The following PPARD variants were observed in gnomAD, a reference collection of about 807,000 sequenced individuals.
PPARD encodes the protein peroxisome proliferator-activated receptor delta.
Under a neutral mutation model 39.5 loss-of-function variants are expected in PPARD, and 6 were observed. The ratio of observed to expected loss-of-function variants is 0.15; its 90% confidence interval spans 0.08 to 0.30. The LOEUF is 0.30. Among genes scored for constraint, PPARD ranks in the 10% least tolerant of loss-of-function variants. PPARD has a pLI of 1.00. For synonymous variants in PPARD, 210 were observed against 231.3 expected (o/e 0.91, Z 0.83); for missense variants, 397 against 596.8 (o/e 0.67, Z 3.49).
intron 2 of PPARD, among the ~76,000 whole-genome samples, chr6:35,408,756 GT>G (rs1275971915): frequency 1.3e-5 from 2 of 152,200 alleles, no homozygotes; most frequent in African/African-American, 4.8e-5. Context: ...ATTTTTAAAG[GT>G]TTTTTCGTTC....
At chr6:35,419,373 A>G (rs1363048106) in intron 3 of PPARD, among the ~76,000 whole-genome samples, 1 of 152,224 alleles carries the variant, frequency 6.6e-6, no homozygotes. Flanking sequence ...TTCTTATGAA[A>G]TCATCTGACA....
At chr6:35,383,472 C>T (rs904749609) in intron 2 of PPARD, among the ~76,000 whole-genome samples, 1 of 151,492 alleles carries the variant, frequency 6.6e-6, no homozygotes, top group Non-Finnish European at 1.5e-5. Context: ...AAGTGAGGAG[C>T]GTCTCTGCTT....
In PPARD at chr6:35,394,276, C is replaced by T. The variant is rs77582831; in HGVS notation, c.-101-16711C>T. Among the ~76,000 whole-genome samples the T allele has an allele frequency of 1.5e-3, 234 of 152,338 alleles. 4 individuals carry two copies. In the East Asian group the frequency reaches 0.042, roughly 27 times the overall value. ...TTCTTCGGCTGTATGTCACGGCCAT[C>T]CTGCCATGGCACCATGTCTGTGCCA... On this transcript the variant is annotated intron_variant, in intron 2 of 7. Transcript: ENST00000360694.
At position 35,411,170 on chromosome 6, in the gene PPARD, A is replaced by G. The variant is rs1765400489; in HGVS notation, c.83A>G (p.Glu28Gly). 3 of 1,573,278 alleles carry G rather than the reference A, an allele frequency of 1.9e-6. No individual in the cohort carries two copies. Among genetic ancestry groups the G allele is most frequent in the African/African-American group, 1.4e-5 (1 of 72,766 alleles). Reference protein sequence around the residue: ...EEVAEAEGAPELNGGPQHALP... With the variant: ...EEVAEAEGAPGLNGGPQHALP... Reference sequence around the variant, plus strand: ...GTGGCAGAGGCAGAAGGAGCCCCAGAGCTCAATGGGGGACCACAGCATGCA... The same window carrying G: ...GTGGCAGAGGCAGAAGGAGCCCCAGGGCTCAATGGGGGACCACAGCATGCA... Residue 28 changes from glutamate to glycine, a missense_variant, in exon 3 of 8, where the codon GAG (glutamate) becomes GGG (glycine). By Grantham distance (98) the Glu-to-Gly change is moderately conservative. Transcript: ENST00000360694.
At chr6:35,375,450 A>G (rs917331281) in intron 2 of PPARD, among the ~76,000 whole-genome samples, 10 of 152,262 alleles carry the variant, frequency 6.6e-5, no homozygotes, top group African/African-American at 2.4e-4. Flanking sequence ...TCCTGACCTC[A>G]GGTGATCCAC....
rs1762223940 is a variant in PPARD, at chr6:35,366,692, G to A, written c.-102+19542G>A. Among the ~76,000 whole-genome samples the A allele has an allele frequency of 6.6e-6, 1 of 152,040 alleles. No homozygotes were observed. The highest frequency in any genetic ancestry group is 2.4e-5 in the African/African-American group (1 of 41,358). On this transcript the variant is annotated intron_variant, in intron 2 of 7. Coordinates refer to ENST00000360694, the MANE Select transcript of PPARD (RefSeq NM_006238.5). This position sits in a 1 kb window ranked among gnomAD's most constrained non-coding sequence, Gnocchi z 4.6. ...AGCCTCCTTAGTGGCTGTGACTACAGGCGTGTACCACCATGCCTGGCTAAT... is the reference window on the plus strand; with the variant it reads ...AGCCTCCTTAGTGGCTGTGACTACAAGCGTGTACCACCATGCCTGGCTAAT...
rs1766673348 is a variant in PPARD, at chr6:35,427,750, A to C, written c.*1671A>C. On this transcript the variant is annotated 3_prime_UTR_variant, in exon 8 of 8. Coordinates refer to ENST00000360694, the MANE Select transcript of PPARD (RefSeq NM_006238.5). The stretch of plus-strand genomic sequence containing the variant: ...ACAGAGGTAGGAGAACTGGGGTTCA[A>C]GCCCAGGCTTCCTGGGTCCTGCCTG... The C allele has an allele frequency of 6.6e-6, 1 of 152,550 alleles. No individual in the cohort carries two copies. The highest frequency in any genetic ancestry group is 1.5e-5 in the Non-Finnish European group (1 of 68,204). The allele number at this position is 152,550 out of a possible 1,614,324, so 9.4% of individuals were successfully genotyped here.
At chr6:35,410,141 ATCTG>A (rs753908578) in intron 2 of PPARD, among the ~76,000 whole-genome samples, 3 of 152,196 alleles carry the variant, frequency 2.0e-5, no homozygotes, top group Non-Finnish European at 4.4e-5. Context: ...TCGGTAAAAT[ATCTG>A]AGAGTTGGGG....
At chr6:35,404,861 C>T (rs913557439) in intron 2 of PPARD, among the ~76,000 whole-genome samples, 3 of 152,096 alleles carry the variant, frequency 2.0e-5, no homozygotes, top group Non-Finnish European at 2.9e-5. Flanking sequence ...CCCCTCCCTG[C>T]ACCTAAGTTC....
rs1012019040 is a variant in PPARD, at chr6:35,346,944, G to A, written c.-185-123G>A. On this transcript the variant is annotated intron_variant, in intron 1 of 7. Coordinates refer to ENST00000360694, the MANE Select transcript of PPARD (RefSeq NM_006238.5). ...ATCTCAGGGTGGTGTGTAAGGGACCGACGAGGAGCCAGATTACCTTAGGAA... is the reference window on the plus strand; with the variant it reads ...ATCTCAGGGTGGTGTGTAAGGGACCAACGAGGAGCCAGATTACCTTAGGAA... 4 of 597,632 alleles carry A rather than the reference G, an allele frequency of 6.7e-6. No individual in the cohort carries two copies. The East Asian group carries it at 8.9e-5, about 13-fold the overall frequency. 37.0% of individuals were successfully genotyped at this position (597,632 alleles called of 1,614,324 possible).
rs545135654 is a variant in PPARD at position 35,401,306 on chromosome 6, C to T, written c.-101-9681C>T. On this transcript the variant is annotated intron_variant, in intron 2 of 7. Transcript: ENST00000360694. The surrounding 1 kb of genome is among the most constrained non-coding windows in gnomAD (Gnocchi z 4.1). ...CTTCCCCTCCTGCCGACTCCCTTGCCAGGTTTGCTGTAACTATTGCTCCTC... is the reference window on the plus strand; with the variant it reads ...CTTCCCCTCCTGCCGACTCCCTTGCTAGGTTTGCTGTAACTATTGCTCCTC... Among the ~76,000 whole-genome samples, 9 of 152,256 alleles carry T rather than the reference C, an allele frequency of 5.9e-5. No individual in the cohort carries two copies. The East Asian group carries it at 1.3e-3, about 23-fold the overall frequency.
chr6:35,361,464 G>A (rs113792819), intron 2 of PPARD, among the ~76,000 whole-genome samples: 3,004 of 152,292 alleles, frequency 0.02, 32 homozygotes, highest in South Asian at 0.036. Context: ...CCTGGGCAAC[G>A]TAGTGAGACC....
intron 2 of PPARD, among the ~76,000 whole-genome samples, chr6:35,377,444 C>T (rs1215038380): frequency 6.6e-6 from 1 of 152,186 alleles, no homozygotes. Flanking sequence ...CCCATTCTAC[C>T]TCTCCTGCAT....
chr6:35,387,268 G>A (rs990979945), intron 2 of PPARD, among the ~76,000 whole-genome samples: 4 of 152,098 alleles, frequency 2.6e-5, no homozygotes, highest in African/African-American at 9.7e-5. Context: ...CTGACCCCAT[G>A]CAGCATCTGC....
chr6:35,424,711 AG>A lies in PPARD; in HGVS notation c.1011del (p.Lys337AsnfsTer29). The A allele has an allele frequency of 6.2e-7, 1 of 1,614,248 alleles. No individual in the cohort carries two copies. Reference sequence around the variant, plus strand: ...GAGCCTAAGTTTGAATTTGCTGTCAAGTTCAACGCCCTGGAACTTGATGACA... The same window carrying A: ...GAGCCTAAGTTTGAATTTGCTGTCAATTCAACGCCCTGGAACTTGATGACA... ...IIEPKFEFAV[K>X]FNALELDDSD... On this transcript the variant is annotated frameshift_variant, in exon 7 of 8. Transcript: ENST00000360694. LOFTEE classifies it high-confidence loss of function. This position sits in a 1 kb window ranked among gnomAD's most constrained non-coding sequence, Gnocchi z 7.1.
chr6:35,411,965 G>A (rs891053695), intron 3 of PPARD, among the ~76,000 whole-genome samples: 1 of 152,158 alleles, frequency 6.6e-6, no homozygotes, highest in African/African-American at 2.4e-5. Context: ...GTCTCCTTCT[G>A]TTGCCCAGAC....
intron 2 of PPARD, among the ~76,000 whole-genome samples, chr6:35,389,486 A>T (rs1022028403): frequency 6.6e-6 from 1 of 151,908 alleles, no homozygotes; most frequent in East Asian, 1.9e-4. Flanking sequence ...TAATTTTTGT[A>T]TTTTTAGTAG....
In PPARD at chr6:35,375,279, G is replaced by A. The variant is rs993779647; in HGVS notation, c.-102+28129G>A. Among the ~76,000 whole-genome samples the A allele has an allele frequency of 6.4e-5, 8 of 124,190 alleles. 1 individual carries two copies. Among genetic ancestry groups the A allele is most frequent in the African/African-American group, 2.5e-4 (8 of 32,398 alleles). The allele number at this position is 124,190 out of a possible 152,430, so 81.5% of individuals were successfully genotyped here. A position where few individuals can be genotyped will look rare whatever the true frequency, so the allele number is the denominator to read the frequency against. ...GTCACCCAGGCTGGAGTGCAGTGGT[G>A]TAATCTCAGCTCAGCGCAACCTCTG... On this transcript the variant is annotated intron_variant, in intron 2 of 7. Transcript: ENST00000360694.
chr6:35,372,326 C>T (rs191415153), intron 2 of PPARD, among the ~76,000 whole-genome samples: 96 of 152,282 alleles, frequency 6.3e-4, no homozygotes, highest in East Asian at 1.9e-3. Context: ...TACAGGCTCC[C>T]GCCACCATGC....
Sources: allele counts gnomAD v4.1 joint callset (sites outside exome capture counted in the v4.1 genomes callset), GRCh38; gene constraint gnomAD v4.1.1; non-coding constraint Gnocchi (gnomAD v3.1); transcripts MANE v1.5; gene names NCBI Gene and HGNC (gene_info 2026-07-23, HGNC 2026-07-21).